The following THSD7B variants were observed in gnomAD, a reference collection of about 807,000 sequenced individuals.
The protein encoded by THSD7B is thrombospondin type-1 domain-containing protein 7B.
A neutral mutation model predicts 213.6 loss-of-function variants in THSD7B; 138 were observed. The observed-to-expected ratio is 0.65, with a 90% confidence interval of 0.56 to 0.74. The LOEUF (loss-of-function observed/expected upper bound fraction) is 0.74, where lower values mean the gene tolerates loss of function less well. Ranked by LOEUF, THSD7B falls within the 30% of genes least tolerant of loss-of-function variation. THSD7B has a pLI of 0.00. For synonymous variants in THSD7B, 742 were observed against 687.0 expected (o/e 1.08, Z -1.25); for missense variants, 1,931 against 1,991.5 (o/e 0.97, Z 0.58).
intron 17 of THSD7B, among the ~76,000 whole-genome samples, chr2:137,593,299 C>G (rs1034367935): frequency 2.6e-5 from 4 of 151,758 alleles, no homozygotes; most frequent in Non-Finnish European, 5.9e-5. Context: ...AGTAGAATAG[C>G]TAAGTTATAA....
intron 15 of THSD7B, among the ~76,000 whole-genome samples, chr2:137,487,374 C>CAA (rs35759254): frequency 0.58 from 19,304 of 33,016 alleles, 6,509 homozygotes; most frequent in East Asian, 0.71. Context: ...GACTCCGTCT[C>CAA]AAAAAAAAAA....
At position 136,888,328 on chromosome 2, in the gene THSD7B, C is replaced by T. The variant is rs867303956; in HGVS notation, c.139+6011C>T. Among the ~76,000 whole-genome samples the T allele has an allele frequency of 4.3e-4, 65 of 151,910 alleles. 1 individual carries two copies. Among genetic ancestry groups the T allele is most frequent in the Middle Eastern group, 3.4e-3 (1 of 292 alleles). The stretch of plus-strand genomic sequence containing the variant: ...TGGAAAAAAGAGACTATGAAAATTG[C>T]ATTGCATAAGGAATAAAGTATCTTA... On this transcript the variant is annotated intron_variant, in intron 2 of 27. Coordinates refer to ENST00000409968, the MANE Select transcript of THSD7B (RefSeq NM_001316349.2).
intron 12 of THSD7B, among the ~76,000 whole-genome samples, chr2:137,383,891 C>T (rs556389070): frequency 6.6e-6 from 1 of 152,224 alleles, no homozygotes; most frequent in East Asian, 1.9e-4. Flanking sequence ...ATTTCTGGCC[C>T]CCAGAATCAT....
In THSD7B at chr2:136,990,923, A is replaced by G. The variant is rs750898208; in HGVS notation, c.140-65497A>G. On this transcript the variant is annotated intron_variant, in intron 2 of 27. Transcript: ENST00000409968. ...AACACAGCAGATGAGGTGGTTTTGT[A>G]TCACAAATTAGCAGGTAAATCAGAA... 2.2e-6 allele frequency: 3 copies of G among 1,348,520 alleles called. No individual in the cohort carries two copies. The South Asian group carries it at 3.6e-5, about 16-fold the overall frequency. 83.5% of individuals were successfully genotyped at this position (1,348,520 alleles called of 1,614,324 possible). A position where few individuals can be genotyped will look rare whatever the true frequency, so the allele number is the denominator to read the frequency against.
chr2:137,135,164 C>T (rs1373353450), intron 5 of THSD7B, among the ~76,000 whole-genome samples: 2 of 152,108 alleles, frequency 1.3e-5, no homozygotes, highest in African/African-American at 4.8e-5. Context: ...CATTCTAACC[C>T]TTATATCTCA....
Position 136,884,477 on chromosome 2 carries a change from C to G in THSD7B, c.139+2160C>G, listed in dbSNP as rs139340958. Among the ~76,000 whole-genome samples the G allele has an allele frequency of 1.4e-3, 207 of 152,284 alleles. 1 individual carries two copies. Among genetic ancestry groups the G allele is most frequent in the South Asian group, 3.1e-3 (15 of 4,830 alleles). On this transcript the variant is annotated intron_variant, in intron 2 of 27. Coordinates refer to ENST00000409968, the MANE Select transcript of THSD7B (RefSeq NM_001316349.2). ...CCTCACTTTCCTCCAGCTTTCATAT[C>G]TGCCAGGCCTCCCATTGGATGAATT... is the stretch of plus-strand genomic sequence containing the variant.
chr2:137,413,278 T>C (rs1686712048), intron 14 of THSD7B, among the ~76,000 whole-genome samples: 1 of 152,196 alleles, frequency 6.6e-6, no homozygotes, highest in Admixed American at 6.5e-5. Context: ...TTTTTTAGCT[T>C]GTATGTGCGC....
intron 9 of THSD7B, among the ~76,000 whole-genome samples, chr2:137,241,767 C>G (rs1315897902): frequency 1.3e-5 from 2 of 151,904 alleles, no homozygotes; most frequent in Non-Finnish European, 2.9e-5. Flanking sequence ...AAAAATTAGC[C>G]AGGCATGATG....
At chr2:136,882,045 A>C in intron 1 of THSD7B, 99 bp from the exon 2 acceptor site, 4 of 907,760 alleles carry the variant, frequency 4.4e-6, no homozygotes, top group Non-Finnish European at 4.6e-6. Flanking sequence ...CTAATGAAAA[A>C]CTTGCAATAC....
At chr2:137,557,411 T>C (rs10182918) in intron 15 of THSD7B, among the ~76,000 whole-genome samples, 71,139 of 151,866 alleles carry the variant, frequency 0.47, 17,063 homozygotes, top group South Asian at 0.66. Flanking sequence ...CTCAACTACA[T>C]GGATACTGAA....
intron 3 of THSD7B, among the ~76,000 whole-genome samples, chr2:137,086,863 AT>A: frequency 6.6e-6 from 1 of 152,346 alleles, no homozygotes; most frequent in South Asian, 2.1e-4. Flanking sequence ...ATCTGCTTAT[AT>A]AAATATTTAT....
At chr2:137,333,487 C>G (rs6740175) in intron 12 of THSD7B, among the ~76,000 whole-genome samples, 9 of 152,036 alleles carry the variant, frequency 5.9e-5, no homozygotes, top group African/African-American at 2.2e-4. Flanking sequence ...CAATCCAGCT[C>G]TAGCTGCACT....
intron 21 of THSD7B, among the ~76,000 whole-genome samples, chr2:137,647,332 A>G (rs1486375560): frequency 6.6e-6 from 1 of 152,010 alleles, no homozygotes; most frequent in Non-Finnish European, 1.5e-5. Flanking sequence ...GGATTGTAGC[A>G]TGTAGCATAC....
At chr2:136,851,635 C>T (rs1035395839) in intron 1 of THSD7B, among the ~76,000 whole-genome samples, 1 of 152,056 alleles carries the variant, frequency 6.6e-6, no homozygotes. Context: ...GTTCTATTTG[C>T]CTCTACTGTT....
chr2:136,927,193 T>G (rs557593106), intron 2 of THSD7B, among the ~76,000 whole-genome samples: 4 of 152,132 alleles, frequency 2.6e-5, no homozygotes, highest in African/African-American at 7.2e-5. Context: ...TTTTTTTTTT[T>G]GCTTCTCCCT....
chr2:137,152,658 A>C (rs528148413), intron 5 of THSD7B, among the ~76,000 whole-genome samples: 1 of 152,354 alleles, frequency 6.6e-6, no homozygotes, highest in South Asian at 2.1e-4. Flanking sequence ...TACCAACATT[A>C]GTTAAATAGG....
At chr2:137,010,086 C>T (rs970384977) in intron 2 of THSD7B, among the ~76,000 whole-genome samples, 1 of 152,160 alleles carries the variant, frequency 6.6e-6, no homozygotes, top group Non-Finnish European at 1.5e-5. Flanking sequence ...GGTCTTGTAA[C>T]TATGCAGTTC....
At chr2:136,981,483 G>A (rs568389395) in intron 2 of THSD7B, among the ~76,000 whole-genome samples, 1 of 152,108 alleles carries the variant, frequency 6.6e-6, no homozygotes, top group South Asian at 2.1e-4. Context: ...AACCCTGCTT[G>A]TCTCTTCATT....
chr2:137,634,006 G>A (rs1473166440), intron 20 of THSD7B, among the ~76,000 whole-genome samples: 1 of 152,018 alleles, frequency 6.6e-6, no homozygotes, highest in Non-Finnish European at 1.5e-5. Context: ...TTTCACTTAT[G>A]TTGTCATCCA....
Sources: gnomAD v4.1 joint callset for allele counts (sites outside exome capture counted in the v4.1 genomes callset) on GRCh38, gnomAD v4.1.1 for gene constraint, MANE v1.5 for transcripts, NCBI Gene and HGNC (gene_info 2026-07-23, HGNC 2026-07-21) for gene names.